The following GCNT3 variants were observed in gnomAD, a reference collection of about 807,000 sequenced individuals.
GCNT3 encodes the protein beta-1,3-galactosyl-O-glycosyl-glycoprotein beta-1,6-N-acetylglucosaminyltransferase 3.
For synonymous variants in GCNT3, 269 were observed against 195.2 expected (o/e 1.38, Z -3.15); for missense variants, 708 against 530.3 (o/e 1.34, Z -3.29).
intron 1 of GCNT3, among the ~76,000 whole-genome samples, chr15:59,613,894 G>A (rs2082707872): frequency 6.6e-6 from 1 of 152,216 alleles, no homozygotes; most frequent in Non-Finnish European, 1.5e-5. Flanking sequence ...GCTTGTGCCT[G>A]TAGTCCCAGC....
rs952340802 is a variant in GCNT3 at position 59,619,618 on chromosome 15, G to A, written c.*63G>A. On this transcript the variant is annotated 3_prime_UTR_variant, in exon 3 of 3. Transcript: ENST00000396065. ...GCATGTACAAACATGCTCAGAACTT[G>A]CTGGGACAGTGTGGGTGGGAGACCA... 6 of 1,094,372 alleles carry A rather than the reference G, an allele frequency of 5.5e-6. No individual in the cohort carries two copies. Among genetic ancestry groups the A allele is most frequent in the African/African-American group, 1.6e-5 (1 of 64,478 alleles). 67.8% of individuals were successfully genotyped at this position (1,094,372 alleles called of 1,614,324 possible). A position where few individuals can be genotyped will look rare whatever the true frequency, so the allele number is the denominator to read the frequency against.
intron 1 of GCNT3, chr15:59,616,469 C>T (rs1459699040): frequency 6.6e-6 from 1 of 152,190 alleles, no homozygotes; most frequent in East Asian, 1.9e-4. Flanking sequence ...CACTGACAGG[C>T]TTTTATGAAT....
intron 1 of GCNT3, among the ~76,000 whole-genome samples, chr15:59,614,588 G>T (rs1176042986): frequency 6.6e-6 from 1 of 152,188 alleles, no homozygotes; most frequent in Non-Finnish European, 1.5e-5. Context: ...CATGGTATTT[G>T]TAAATTGTCA....
intron 1 of GCNT3, among the ~76,000 whole-genome samples, chr15:59,612,770 G>A (rs982961460): frequency 7.9e-5 from 12 of 152,094 alleles, no homozygotes; most frequent in Admixed American, 6.5e-4. Context: ...ATCTTCCTGT[G>A]CCCTTCCGCA....
Position 59,618,430 on chromosome 15 carries a change from A to G in GCNT3, c.192A>G (p.Ala64=), listed in dbSNP as rs764158089. 4 of 1,614,138 alleles carry G rather than the reference A, an allele frequency of 2.5e-6. No homozygotes were observed. Among genetic ancestry groups the G allele is most frequent in the Non-Finnish European group, 3.4e-6 (4 of 1,179,992 alleles). ...NILYNFLKLP[A]KRSINCSGVT... is the part of the protein sequence containing the mutation. ...TGTATAATTTCCTGAAACTTCCAGC[A>G]AAGAGGTCTATCAACTGTTCAGGGG... The change falls in exon 3 of 3, where the codon GCA becomes GCG. Residue 64 remains alanine, a synonymous_variant. Coordinates refer to ENST00000396065, the MANE Select transcript of GCNT3 (RefSeq NM_004751.3).
Position 59,618,676 on chromosome 15 carries a change from T to C in GCNT3, c.438T>C (p.Phe146=), listed in dbSNP as rs944242926. Residue 146 remains phenylalanine (F), a synonymous_variant, in exon 3 of 3, where the codon TTT becomes TTC. Transcript: ENST00000396065. ...SMVIHEKIEN[F]ERLLRAVYAP... ...TGATTCATGAGAAGATTGAAAACTT[T>C]GAAAGGCTACTGCGAGCTGTGTATG... 6.2e-7 allele frequency: 1 copy of C among 1,614,200 alleles called. No individual in the cohort carries two copies. The highest frequency in any genetic ancestry group is 8.5e-7 in the Non-Finnish European group (1 of 1,180,016).
chr15:59,615,475 C>T (rs1312292789), intron 1 of GCNT3, among the ~76,000 whole-genome samples: 1 of 152,126 alleles, frequency 6.6e-6, no homozygotes, highest in Admixed American at 6.5e-5. Context: ...TCCCTTAATT[C>T]CCTCAATCTA....
At chr15:59,614,346 A>G (rs139258413) in intron 1 of GCNT3, among the ~76,000 whole-genome samples, 89 of 152,294 alleles carry the variant, frequency 5.8e-4, no homozygotes, top group African/African-American at 2.1e-3. Flanking sequence ...AGACCCCAAC[A>G]GAGGGTTCTT....
chr15:59,614,233 A>G (rs551606358), intron 1 of GCNT3, among the ~76,000 whole-genome samples: 3 of 152,262 alleles, frequency 2.0e-5, no homozygotes, highest in African/African-American at 7.2e-5. Flanking sequence ...TATACTCAAC[A>G]ATGGAAAGTC....
intron 1 of GCNT3, among the ~76,000 whole-genome samples, chr15:59,612,902 G>A (rs566041400): frequency 6.6e-6 from 1 of 152,074 alleles, no homozygotes; most frequent in South Asian, 2.1e-4. Context: ...ACACAGAGAT[G>A]GAGGGCAATT....
chr15:59,617,661 G>T (rs2082725933), intron 2 of GCNT3, among the ~76,000 whole-genome samples: 2 of 152,190 alleles, frequency 1.3e-5, no homozygotes, highest in South Asian at 4.1e-4. Context: ...GTGGCTAGAT[G>T]TCACATCTGA....
At position 59,618,642 on chromosome 15, in the gene GCNT3, A is replaced by G. The variant is rs1246505707; in HGVS notation, c.404A>G (p.Tyr135Cys). 2.5e-6 allele frequency: 4 copies of G among 1,614,014 alleles called. No homozygotes were observed. The highest frequency in any genetic ancestry group is 3.4e-6 in the Non-Finnish European group (4 of 1,180,004). Residue 135 changes from tyrosine (Y) to cysteine (C), a missense_variant, in exon 3 of 3, where the codon TAC becomes TGC. Coordinates refer to ENST00000396065, the MANE Select transcript of GCNT3 (RefSeq NM_004751.3). The stretch of plus-strand genomic sequence containing the variant: ...GAAGAGGTGGAGTTCCCTATTGCAT[A>G]CTCTATGGTGATTCATGAGAAGATT... ...SKEEVEFPIA[Y>C]SMVIHEKIEN...
intron 2 of GCNT3, among the ~76,000 whole-genome samples, chr15:59,617,666 A>G (rs946817313): frequency 2.6e-5 from 4 of 152,360 alleles, no homozygotes; most frequent in Non-Finnish European, 4.4e-5. Flanking sequence ...TAGATGTCAC[A>G]TCTGACCAAT....
rs1243381286 is a variant in GCNT3 at position 59,619,511 on chromosome 15, G to C, written c.1273G>C (p.Glu425Gln). 1 of 1,611,336 alleles carries C rather than the reference G, an allele frequency of 6.2e-7. No individual in the cohort carries two copies. Among genetic ancestry groups the C allele is most frequent in the East Asian group, 2.2e-5 (1 of 44,834 alleles). ...AGATGATAATGCTCTTCAGTGCTTAGAAGAATACCTACGTTATAAGGCCAT... is the reference window on the plus strand; with the variant it reads ...AGATGATAATGCTCTTCAGTGCTTACAAGAATACCTACGTTATAAGGCCAT... ...KVDDNALQCL[E>Q]EYLRYKAIYG... Residue 425 changes from glutamate (E) to glutamine (Q), a missense_variant, in exon 3 of 3, where the codon GAA becomes CAA. Glu to Gln is a conservative substitution (Grantham distance 29). Transcript: ENST00000396065.
chr15:59,618,277 G>A lies in GCNT3; in HGVS notation c.39G>A (p.Leu13=), dbSNP rs777492287. 23 of 1,595,960 alleles carry A rather than the reference G, an allele frequency of 1.4e-5. No homozygotes were observed. Among genetic ancestry groups the A allele is most frequent in the Non-Finnish European group, 1.9e-5 (22 of 1,171,176 alleles). The change falls in exon 3 of 3, where the codon TTG becomes TTA. Residue 13 remains leucine (L), a synonymous_variant. Coordinates refer to ENST00000396065, the MANE Select transcript of GCNT3 (RefSeq NM_004751.3). ...QWKRLCQLHY[L]WALGCYMLLA... The stretch of plus-strand genomic sequence containing the variant: ...AGAGACTCTGCCAGCTGCATTACTT[G>A]TGGGCTCTGGGCTGCTATATGCTGC...
chr15:59,619,060 C>T lies in GCNT3; in HGVS notation c.822C>T (p.Asp274=), dbSNP rs2082734445. The change falls in exon 3 of 3, where the codon GAC becomes GAT. Residue 274 remains aspartate (D), a synonymous_variant. Transcript: ENST00000396065. Reference sequence around the variant, plus strand: ...AATATCACTTTGAGGTAGTGAGAGACACATTACACCTAACCAACAAGAAGA... The same window carrying T: ...AATATCACTTTGAGGTAGTGAGAGATACATTACACCTAACCAACAAGAAGA... ...RWKYHFEVVR[D]TLHLTNKKKD... is the part of the protein sequence containing the mutation. 2.5e-6 allele frequency: 4 copies of T among 1,614,092 alleles called. No homozygotes were observed. The highest frequency in any genetic ancestry group is 3.4e-6 in the Non-Finnish European group (4 of 1,179,938).
Position 59,615,506 on chromosome 15 carries a change from C to T in GCNT3, c.-250-1186C>T, listed in dbSNP as rs550752492. Among the ~76,000 whole-genome samples, 7 of 152,242 alleles carry T rather than the reference C, an allele frequency of 4.6e-5. No homozygotes were observed. In the South Asian group the frequency reaches 1.5e-3, roughly 32 times the overall value. ...ATCTAGGAGTGGTAGCTATGTCCAA[C>T]AATTGCTAGTGCCTTAATAGTGACT... On this transcript the variant is annotated intron_variant, in intron 1 of 2. Transcript: ENST00000396065.
At chr15:59,613,540 A>G (rs2082705723) in intron 1 of GCNT3, among the ~76,000 whole-genome samples, 1 of 102,708 alleles carries the variant, frequency 9.7e-6, no homozygotes, top group Non-Finnish European at 2.0e-5. Context: ...TCTACAATAA[A>G]TAAATAAATA....
chr15:59,618,491 A>G lies in GCNT3; in HGVS notation c.253A>G (p.Ile85Val), dbSNP rs1477537959. Residue 85 changes from isoleucine to valine, a missense_variant, in exon 3 of 3, where the codon ATT becomes GTT. Coordinates refer to ENST00000396065, the MANE Select transcript of GCNT3 (RefSeq NM_004751.3). ...RGDQEAVLQAILNNLEVKKKR... is the reference protein window; with the variant it reads ...RGDQEAVLQAVLNNLEVKKKR... The stretch of plus-strand genomic sequence containing the variant: ...GGACCAAGAGGCAGTGCTTCAGGCT[A>G]TTCTGAATAACCTGGAGGTCAAGAA... The G allele has an allele frequency of 1.2e-6, 2 of 1,614,196 alleles. No homozygotes were observed. Among genetic ancestry groups the G allele is most frequent in the East Asian group, 2.2e-5 (1 of 44,882 alleles).
Sources: gnomAD v4.1 joint callset for allele counts (sites outside exome capture counted in the v4.1 genomes callset) on GRCh38, gnomAD v4.1.1 for gene constraint, MANE v1.5 for transcripts, NCBI Gene and HGNC (gene_info 2026-07-23, HGNC 2026-07-21) for gene names.